Variants in NREP observed in about 807,000 individuals in gnomAD.
NREP encodes the protein neuronal regeneration related protein, also known as neuronal regeneration-related protein.
In NREP, 5 loss-of-function variants were observed where a neutral mutation model predicts 8.6. That is an observed-to-expected ratio of 0.58 (90% CI 0.30 to 1.22). The LOEUF is 1.22. Among genes scored for constraint, NREP ranks in the 50% most tolerant of loss-of-function variants. The probability of loss-of-function intolerance (pLI) is 0.07; values close to 1 mark genes in which losing one functional copy is unlikely to be tolerated. For synonymous variants in NREP, 27 were observed against 28.0 expected (o/e 0.96, Z 0.11); for missense variants, 86 against 82.5 (o/e 1.04, Z -0.17).
intron 2 of NREP, among the ~76,000 whole-genome samples, chr5:111,944,216 G>C (rs1755912917): frequency 6.6e-6 from 1 of 151,972 alleles, no homozygotes; most frequent in Non-Finnish European, 1.5e-5. Context: ...AATCTTCCTT[G>C]GTTTATCAGT....
chr5:111,781,911 C>T (rs1228444464), intron 2 of NREP, among the ~76,000 whole-genome samples: 2 of 151,198 alleles, frequency 1.3e-5, no homozygotes, highest in Non-Finnish European at 1.5e-5. Context: ...TGGCTTGACA[C>T]ACTGATTCAG....
chr5:111,956,734 C>A (rs1268443962), intron 2 of NREP, among the ~76,000 whole-genome samples: 1 of 152,002 alleles, frequency 6.6e-6, no homozygotes, highest in Non-Finnish European at 1.5e-5. Flanking sequence ...GAGGTGGAGG[C>A]AGGTAGATCA....
At chr5:111,750,015 T>C (rs1206264869) in intron 2 of NREP, among the ~76,000 whole-genome samples, 6 of 152,114 alleles carry the variant, frequency 3.9e-5, no homozygotes, top group African/African-American at 7.2e-5. Flanking sequence ...CTGAGACAGG[T>C]TGGTAACCTG....
At chr5:111,863,102 C>T (rs944377836) in intron 2 of NREP, among the ~76,000 whole-genome samples, 11 of 151,396 alleles carry the variant, frequency 7.3e-5, no homozygotes, top group Non-Finnish European at 1.5e-4. Context: ...AGAATTAACC[C>T]TAGAGATCAG....
At chr5:111,741,149 G>C (rs1291925792) in intron 2 of NREP, among the ~76,000 whole-genome samples, 1 of 152,160 alleles carries the variant, frequency 6.6e-6, no homozygotes, top group African/African-American at 2.4e-5. Context: ...TAACTTAACA[G>C]GATGGGTATG....
intron 2 of NREP, among the ~76,000 whole-genome samples, chr5:111,893,163 T>C (rs936465831): frequency 2.6e-5 from 4 of 152,068 alleles, no homozygotes; most frequent in African/African-American, 9.7e-5. Context: ...AAACAAAGGA[T>C]AAAAATCCCA....
At chr5:111,813,198 G>C (rs942795075) in intron 2 of NREP, among the ~76,000 whole-genome samples, 1 of 152,118 alleles carries the variant, frequency 6.6e-6, no homozygotes, top group Non-Finnish European at 1.5e-5. Flanking sequence ...TATTTAGCTG[G>C]TCCGTGGCAG....
chr5:111,755,661 G>A (rs922201338), intron 2 of NREP, 109 bp downstream of exon 2: 6 of 1,207,902 alleles, frequency 5.0e-6, no homozygotes, highest in African/African-American at 1.5e-5. Context: ...AAGGTCAGAT[G>A]GGGTGTAGAA....
intron 2 of NREP, among the ~76,000 whole-genome samples, chr5:111,763,163 C>A (rs1751002876): frequency 6.6e-6 from 1 of 152,230 alleles, no homozygotes; most frequent in South Asian, 2.1e-4. Flanking sequence ...CACTGAGAAA[C>A]CCACACCAAG....
At chr5:111,936,954 A>G (rs1027286727) in intron 2 of NREP, among the ~76,000 whole-genome samples, 13 of 152,056 alleles carry the variant, frequency 8.5e-5, no homozygotes, top group African/African-American at 3.1e-4. Context: ...GTCCTTGGAC[A>G]GTGGGCTCTC....
intron 2 of NREP, among the ~76,000 whole-genome samples, chr5:111,750,205 CCTAA>C (rs1750268504): frequency 6.6e-6 from 1 of 152,168 alleles, no homozygotes; most frequent in Non-Finnish European, 1.5e-5. Context: ...CTCTTGCAAG[CCTAA>C]CTCTCTAATG....
At chr5:111,768,504 C>A (rs980330708) in intron 2 of NREP, among the ~76,000 whole-genome samples, 2 of 152,042 alleles carry the variant, frequency 1.3e-5, no homozygotes, top group Non-Finnish European at 2.9e-5. Flanking sequence ...GTTTTTCAAC[C>A]CTTGCTCTCC....
chr5:111,879,180 C>T (rs1753985192), intron 2 of NREP, among the ~76,000 whole-genome samples: 1 of 152,178 alleles, frequency 6.6e-6, no homozygotes, highest in South Asian at 2.1e-4. Context: ...CATGCTGGCT[C>T]CCCCCTTTTG....
intron 2 of NREP, among the ~76,000 whole-genome samples, chr5:111,922,836 G>C (rs1561348172): frequency 6.6e-6 from 1 of 152,148 alleles, no homozygotes; most frequent in Admixed American, 6.5e-5. Context: ...TTCTGCAGGA[G>C]AATACTGAAG....
At chr5:111,877,895 C>G (rs1051691073) in intron 2 of NREP, among the ~76,000 whole-genome samples, 2 of 152,230 alleles carry the variant, frequency 1.3e-5, no homozygotes, top group African/African-American at 4.8e-5. Context: ...TAGGGCCACA[C>G]TGGAGTATGG....
At chr5:111,939,168 G>T (rs1302786298) in intron 2 of NREP, among the ~76,000 whole-genome samples, 2 of 152,014 alleles carry the variant, frequency 1.3e-5, no homozygotes, top group East Asian at 3.9e-4. Context: ...AACAGTCCAT[G>T]GAGCCTCACA....
chr5:111,839,255 A>G (rs368904541), intron 2 of NREP, among the ~76,000 whole-genome samples: 9 of 152,238 alleles, frequency 5.9e-5, no homozygotes, highest in African/African-American at 1.9e-4. Flanking sequence ...ACCTAAGGCT[A>G]TGATGTGGTT....
chr5:111,792,069 A>G (rs987463672), intron 2 of NREP, among the ~76,000 whole-genome samples: 1 of 152,250 alleles, frequency 6.6e-6, no homozygotes, highest in Admixed American at 6.5e-5. Flanking sequence ...AATTTGCTTT[A>G]GACCTAGGTG....
upstream of NREP, chr5:111,757,768 T>C (rs1398410471): frequency 2.0e-6 from 2 of 979,060 alleles, no homozygotes; most frequent in Non-Finnish European, 2.4e-6. Flanking sequence ...CCGGCCTTCC[T>C]CCCCGCCCCC....
Sources: gnomAD v4.1 joint callset for allele counts (sites outside exome capture counted in the v4.1 genomes callset) on GRCh38, gnomAD v4.1.1 for gene constraint, MANE v1.5 for transcripts, NCBI Gene and HGNC (gene_info 2026-07-23, HGNC 2026-07-21) for gene names.